SCUBE2: variants seen among roughly 807,000 people sequenced by gnomAD.
SCUBE2 encodes the protein signal peptide, CUB domain and EGF like domain containing 2, also known as signal peptide, CUB and EGF-like domain-containing protein 2.
Under a neutral mutation model 125.9 loss-of-function variants are expected in SCUBE2, and 114 were observed. The observed-to-expected ratio is 0.91, with a 90% CI of 0.78 to 1.06. SCUBE2 has a LOEUF of 1.06. SCUBE2 is among the 50% of genes least tolerant of loss of function. SCUBE2 has a pLI of 0.00. For missense variants in SCUBE2, 1,255 were observed against 1,301.8 expected (o/e 0.96, Z 0.55); for synonymous variants, 459 against 492.9 (o/e 0.93, Z 0.91).
chr11:9,025,889 G>T lies in SCUBE2; in HGVS notation c.2702-35C>A, dbSNP rs182041060. 7,104 of 1,603,516 alleles carry T rather than the reference G, an allele frequency of 4.4e-3. 32 individuals are homozygous for T. The highest frequency in any genetic ancestry group is 4.6e-3 in the Non-Finnish European group (5,366 of 1,174,090). On this transcript the variant is annotated intron_variant, in intron 20 of 22. Transcript: ENST00000649792. ...GAAGTTGGAGAAGGGTGGGGTTCAAGACTCATCACTGATCAGGCATAGAGT... is the reference window on the plus strand; with the variant it reads ...GAAGTTGGAGAAGGGTGGGGTTCAATACTCATCACTGATCAGGCATAGAGT...
At chr11:9,030,368 C>A in intron 18 of SCUBE2, 1 of 421,744 alleles carries the variant, frequency 2.4e-6, no homozygotes, top group Middle Eastern at 6.7e-4. Flanking sequence ...AGTTGCAGAA[C>A]TGAGGTTGGG....
At chr11:9,039,424 G>A (rs923272223) in intron 16 of SCUBE2, among the ~76,000 whole-genome samples, 1 of 152,184 alleles carries the variant, frequency 6.6e-6, no homozygotes, top group Non-Finnish European at 1.5e-5. Context: ...TGGGTGAGGC[G>A]AGGTGCCCCT....
chr11:9,034,707 G>A (rs566767007), intron 16 of SCUBE2, among the ~76,000 whole-genome samples: 8 of 152,246 alleles, frequency 5.3e-5, no homozygotes, highest in East Asian at 1.9e-4. Flanking sequence ...CAGGCTGTGC[G>A]CAGTGGCTCA....
At chr11:9,048,176 C>CA in intron 14 of SCUBE2, 78 bp from the exon 15 acceptor site, 1 of 1,428,814 alleles carries the variant, frequency 7.0e-7, no homozygotes, top group Non-Finnish European at 9.5e-7. Context: ...GCTCAGTAAA[C>CA]ATTTCATTAA....
chr11:9,074,168 C>T (rs1861027936), intron 4 of SCUBE2, among the ~76,000 whole-genome samples: 1 of 152,176 alleles, frequency 6.6e-6, no homozygotes, highest in South Asian at 2.1e-4. Context: ...CTTGGCAGAT[C>T]ATCCACTATA....
chr11:9,025,664 C>G (rs1268560987), intron 21 of SCUBE2, 38 bp downstream of exon 21: 7 of 1,610,688 alleles, frequency 4.3e-6, no homozygotes, highest in Non-Finnish European at 5.9e-6. Flanking sequence ...CTGTTCAAAG[C>G]AGAGACGCTC....
intron 7 of SCUBE2, among the ~76,000 whole-genome samples, chr11:9,061,237 A>G (rs1026065120): frequency 1.4e-4 from 21 of 152,032 alleles, no homozygotes; most frequent in African/African-American, 5.1e-4. Context: ...TTTTTCTACC[A>G]TAGCTACCTC....
At chr11:9,046,274 C>A (rs1238990735) in intron 16 of SCUBE2, among the ~76,000 whole-genome samples, 1 of 152,018 alleles carries the variant, frequency 6.6e-6, no homozygotes, top group Non-Finnish European at 1.5e-5. Context: ...TCCCAAAGTG[C>A]TGGGATTATA....
Position 9,029,895 on chromosome 11 carries a change from G to A in SCUBE2, c.2492C>T (p.Thr831Ile). 1 of 1,614,116 alleles carries A rather than the reference G, an allele frequency of 6.2e-7. No homozygotes were observed. The highest frequency in any genetic ancestry group is 8.5e-7 in the Non-Finnish European group (1 of 1,180,018). The change falls in exon 19 of 23, where the codon ACC becomes ATC. Residue 831 changes from threonine (T) to isoleucine (I), a missense_variant. Thr to Ile is a moderately conservative substitution (Grantham distance 89, BLOSUM62 -1). Around this residue, in one of 3 missense-constraint regions of SCUBE2, gnomAD observed 515 missense variants for 515.7 expected, o/e 1.00. Transcript: ENST00000649792. Reference protein sequence around the residue: ...TTDFDGSTNITQCKNRRCGGE... With the variant: ...TTDFDGSTNIIQCKNRRCGGE... ...AGAGAGGGACCTACTTTTACACTGG[G>A]TTATGTTTGTGGAGCCATCAAAGTC...
At chr11:9,030,335 G>C (rs1856196047) in intron 18 of SCUBE2, 1 of 475,248 alleles carries the variant, frequency 2.1e-6, no homozygotes, top group African/African-American at 1.9e-5. Context: ...TGCAGAGCAC[G>C]TCTGTGAGTA....
At chr11:9,050,863 A>G (rs1241744446) in intron 13 of SCUBE2, among the ~76,000 whole-genome samples, 153 bp from the exon 14 acceptor site, 1 of 152,194 alleles carries the variant, frequency 6.6e-6, no homozygotes, top group Non-Finnish European at 1.5e-5. Flanking sequence ...GGCTTGGATC[A>G]TGGAGTGCCC....
At chr11:9,074,358 G>A (rs761224547) in intron 4 of SCUBE2, 123 bp downstream of exon 4, 45 of 1,241,616 alleles carry the variant, frequency 3.6e-5, no homozygotes, top group South Asian at 1.7e-4. Context: ...GTCTGGACTC[G>A]TCCTCAGGCC....
chr11:9,067,491 T>C (rs1437270383), intron 5 of SCUBE2, among the ~76,000 whole-genome samples: 1 of 152,190 alleles, frequency 6.6e-6, no homozygotes, highest in African/African-American at 2.4e-5. Context: ...CTTTGGAGTG[T>C]TTGCATTTTA....
chr11:9,065,702 G>C (rs565010846), intron 7 of SCUBE2, among the ~76,000 whole-genome samples, 189 bp downstream of exon 7: 2 of 152,300 alleles, frequency 1.3e-5, no homozygotes, highest in South Asian at 4.2e-4. Context: ...GAGACCAAGG[G>C]TCTTGCTTGG....
intron 14 of SCUBE2, chr11:9,049,923 T>G (rs1375412946): frequency 6.6e-6 from 1 of 152,244 alleles, no homozygotes; most frequent in Non-Finnish European, 1.5e-5. Context: ...CAAAAGTGAC[T>G]AGAGTGAGCT....
At chr11:9,069,232 A>C in intron 5 of SCUBE2, 138 bp downstream of exon 5, 2 of 1,008,196 alleles carry the variant, frequency 2.0e-6, no homozygotes, top group Non-Finnish European at 2.9e-6. Flanking sequence ...AGTACTTGGT[A>C]GAGGTCGGTA....
Position 9,091,529 on chromosome 11 carries a change from G to A in SCUBE2, c.-1C>T. 1 of 775,020 alleles carries A rather than the reference G, an allele frequency of 1.3e-6. No homozygotes were observed. Among genetic ancestry groups the A allele is most frequent in the Non-Finnish European group, 1.7e-6 (1 of 579,816 alleles). 48.0% of individuals were successfully genotyped at this position (775,020 alleles called of 1,614,324 possible). ...GACGGTTGCGGCCCGCGACCCCCAT[G>A]GATGGCTCAGCGGTTGCGGGCAGAG... On this transcript the variant is annotated 5_prime_UTR_variant, in exon 1 of 23. Transcript: ENST00000649792. This position sits in a 1 kb window ranked among gnomAD's most constrained non-coding sequence, Gnocchi z 8.5.
intron 2 of SCUBE2, among the ~76,000 whole-genome samples, chr11:9,085,577 T>A (rs896222173): frequency 6.6e-6 from 1 of 151,830 alleles, no homozygotes; most frequent in Non-Finnish European, 1.5e-5. Context: ...ATACAAAAAA[T>A]TAGCCAGGCG....
At chr11:9,059,681 A>C in intron 8 of SCUBE2, 1 of 471,408 alleles carries the variant, frequency 2.1e-6, no homozygotes, top group Non-Finnish European at 3.8e-6. Context: ...AAGGAAACAA[A>C]CTCTGGGAAA....
Sources: gnomAD v4.1 joint callset for allele counts (sites outside exome capture counted in the v4.1 genomes callset) on GRCh38, gnomAD v4.1.1 for gene constraint, gnomAD v4.1.1 regional missense constraint, Gnocchi (gnomAD v3.1) non-coding constraint, MANE v1.5 for transcripts, NCBI Gene and HGNC (gene_info 2026-07-23, HGNC 2026-07-21) for gene names.